CHCHD6: variants seen among roughly 807,000 people sequenced by gnomAD.
CHCHD6 encodes the protein coiled-coil-helix-coiled-coil-helix domain containing 6.
Under a neutral mutation model 32.3 loss-of-function variants are expected in CHCHD6, and 28 were observed. The ratio of observed to expected loss-of-function variants is 0.87; its 90% confidence interval spans 0.64 to 1.19. CHCHD6 has a LOEUF of 1.19. CHCHD6 is among the 50% of genes most tolerant of loss of function. The pLI, the probability that CHCHD6 is intolerant of heterozygous loss-of-function variation, is 0.00. For missense variants in CHCHD6, 333 were observed against 307.0 expected, an observed-to-expected ratio of 1.08 and a Z score of -0.63; for synonymous variants, 122 against 117.5, an observed-to-expected ratio of 1.04 and a Z score of -0.25.
intron 6 of CHCHD6, among the ~76,000 whole-genome samples, chr3:126,950,294 A>AT: frequency 6.6e-6 from 1 of 151,538 alleles, no homozygotes; most frequent in Non-Finnish European, 1.5e-5. Context: ...GAGGCCTCTC[A>AT]TAGAGGGAAG....
At chr3:126,907,362 C>T (rs1252596660) in intron 5 of CHCHD6, among the ~76,000 whole-genome samples, 1 of 152,216 alleles carries the variant, frequency 6.6e-6, no homozygotes, top group Non-Finnish European at 1.5e-5. Flanking sequence ...ACCAGATGTG[C>T]AGCCACTTAA....
intron 6 of CHCHD6, chr3:126,956,997 G>T (rs1352527694): frequency 9.7e-6 from 2 of 205,844 alleles, no homozygotes; most frequent in Non-Finnish European, 2.0e-5. Context: ...GCTATCCTGG[G>T]CACAGTGGGG....
chr3:126,748,799 C>T, intron 4 of CHCHD6, among the ~76,000 whole-genome samples: 1 of 152,148 alleles, frequency 6.6e-6, no homozygotes, highest in East Asian at 1.9e-4. Context: ...AAGACATGTT[C>T]CCTGAGCAGG....
At chr3:126,950,515 G>A (rs533706412) in intron 6 of CHCHD6, among the ~76,000 whole-genome samples, 3 of 152,282 alleles carry the variant, frequency 2.0e-5, no homozygotes, top group South Asian at 2.1e-4. Flanking sequence ...GCAGTGGCAC[G>A]CTCTCTGCTC....
intron 4 of CHCHD6, among the ~76,000 whole-genome samples, chr3:126,820,867 T>C (rs1940118917): frequency 6.6e-6 from 1 of 152,168 alleles, no homozygotes; most frequent in South Asian, 2.1e-4. Flanking sequence ...CAGTGTACTG[T>C]TCATTGTTTT....
intron 4 of CHCHD6, among the ~76,000 whole-genome samples, chr3:126,819,533 C>T (rs867213812): frequency 2.6e-5 from 4 of 152,124 alleles, no homozygotes; most frequent in Admixed American, 6.5e-5. Context: ...AGCGTCAGAC[C>T]GTAGTTCATA....
intron 5 of CHCHD6, among the ~76,000 whole-genome samples, chr3:126,896,066 C>T (rs2077834100): frequency 6.6e-6 from 1 of 152,160 alleles, no homozygotes; most frequent in South Asian, 2.1e-4. Flanking sequence ...ATATATGAAA[C>T]CACAGCCTAG....
At chr3:126,828,329 G>A (rs940904289) in intron 4 of CHCHD6, among the ~76,000 whole-genome samples, 1 of 152,196 alleles carries the variant, frequency 6.6e-6, no homozygotes, top group African/African-American at 2.4e-5. Context: ...CTTCCCACTG[G>A]CTTCAGTGCT....
intron 6 of CHCHD6, among the ~76,000 whole-genome samples, chr3:126,941,677 A>T (rs887515393): frequency 6.6e-6 from 1 of 152,252 alleles, no homozygotes; most frequent in African/African-American, 2.4e-5. Context: ...AACACCACAA[A>T]GGATTCCTGC....
At chr3:126,764,533 C>T (rs1385245397) in intron 4 of CHCHD6, among the ~76,000 whole-genome samples, 2 of 152,152 alleles carry the variant, frequency 1.3e-5, no homozygotes, top group African/African-American at 2.4e-5. Context: ...TTCGAAGGTC[C>T]CTTTCCTGCT....
chr3:126,710,045 T>G (rs1253545550), intron 1 of CHCHD6, among the ~76,000 whole-genome samples: 1 of 152,180 alleles, frequency 6.6e-6, no homozygotes, highest in Admixed American at 6.5e-5. Context: ...GACAATATGC[T>G]TAAGTGAGTG....
At chr3:126,919,230 T>G (rs140985755) in intron 6 of CHCHD6, among the ~76,000 whole-genome samples, 3 of 152,266 alleles carry the variant, frequency 2.0e-5, no homozygotes, top group African/African-American at 7.2e-5. Flanking sequence ...ATGTTCAAAT[T>G]TTCTGTATTT....
At chr3:126,726,428 T>C (rs573726713) in intron 1 of CHCHD6, among the ~76,000 whole-genome samples, 4 of 152,054 alleles carry the variant, frequency 2.6e-5, no homozygotes, top group African/African-American at 9.7e-5. Context: ...GATATAACAA[T>C]GAAAAAGCTT....
At chr3:126,708,230 T>TTG (rs1934588631) in intron 1 of CHCHD6, among the ~76,000 whole-genome samples, 1 of 152,186 alleles carries the variant, frequency 6.6e-6, no homozygotes, top group Non-Finnish European at 1.5e-5. Context: ...CATGCTTACC[T>TTG]TGTGAGGGGT....
intron 4 of CHCHD6, among the ~76,000 whole-genome samples, chr3:126,772,463 G>A (rs914267755): frequency 2.3e-4 from 35 of 152,232 alleles, no homozygotes; most frequent in African/African-American, 6.7e-4. Flanking sequence ...TTAGGTCTTC[G>A]TGTTAAATTG....
At chr3:126,885,677 C>T (rs1055205848) in intron 5 of CHCHD6, among the ~76,000 whole-genome samples, 3 of 152,196 alleles carry the variant, frequency 2.0e-5, no homozygotes, top group African/African-American at 7.2e-5. Context: ...CTCTAACTCC[C>T]AGCAGCACCT....
chr3:126,859,697 G>C (rs1280511529), intron 5 of CHCHD6, among the ~76,000 whole-genome samples: 1 of 152,218 alleles, frequency 6.6e-6, no homozygotes, highest in African/African-American at 2.4e-5. Flanking sequence ...GCTGTCAGAA[G>C]CCATGCACAC....
chr3:126,919,613 T>C (rs1206803835), intron 6 of CHCHD6, among the ~76,000 whole-genome samples: 1 of 140,642 alleles, frequency 7.1e-6, no homozygotes, highest in Non-Finnish European at 1.6e-5. Context: ...TGCATCTGGC[T>C]GGCCTTCATT....
intron 6 of CHCHD6, among the ~76,000 whole-genome samples, chr3:126,929,083 A>G (rs192663584): frequency 6.6e-6 from 1 of 152,338 alleles, no homozygotes; most frequent in East Asian, 1.9e-4. Flanking sequence ...ACAGTGACAA[A>G]GTACCTGTGC....
Sources: gnomAD v4.1 joint callset for allele counts (sites outside exome capture counted in the v4.1 genomes callset) on GRCh38, gnomAD v4.1.1 for gene constraint, MANE v1.5 for transcripts, NCBI Gene and HGNC (gene_info 2026-07-23, HGNC 2026-07-21) for gene names.